Variants in DHX32 observed in about 807,000 individuals in gnomAD.
DHX32 encodes putative pre-mRNA-splicing factor ATP-dependent RNA helicase DHX32.
In DHX32, 51 loss-of-function variants were observed where a neutral mutation model predicts 70.0. That is an observed-to-expected ratio of 0.73 (90% CI 0.58 to 0.92). The LOEUF (loss-of-function observed/expected upper bound fraction) is 0.92, where lower values mean the gene tolerates loss of function less well. Among genes scored for constraint, DHX32 ranks in the 40% least tolerant of loss-of-function variants. DHX32 has a pLI of 0.00. For synonymous variants in DHX32, 310 were observed against 315.3 expected (o/e 0.98, Z 0.18); for missense variants, 762 against 891.8 (o/e 0.85, Z 1.85).
chr10:125,840,936 T>G lies in DHX32; in HGVS notation c.1604A>C (p.Lys535Thr). ...GAEEAALTCW[K>T]TFLHPEGDHF... ...ATCTCCTTCGGGATGTAAAAATGTC[T>G]TCCAACAAGTCAAGGCAGCCTCTTC... Residue 535 changes from lysine to threonine, a missense_variant, in exon 8 of 11, where the codon AAG becomes ACG. By Grantham distance (78) the Lys-to-Thr change is moderately conservative (BLOSUM62 -1). Coordinates refer to ENST00000284690, the MANE Select transcript of DHX32 (RefSeq NM_018180.3). 1 of 1,612,616 alleles carries G rather than the reference T, an allele frequency of 6.2e-7. No individual in the cohort carries two copies. The highest frequency in any genetic ancestry group is 8.5e-7 in the Non-Finnish European group (1 of 1,178,698).
At chr10:125,877,614 A>G (rs1387111629) in intron 1 of DHX32, among the ~76,000 whole-genome samples, 1 of 152,178 alleles carries the variant, frequency 6.6e-6, no homozygotes. Context: ...TTGAACCGGG[A>G]GACGGAGGTC....
In DHX32 at chr10:125,837,010, A is replaced by C. The variant is rs72830596; in HGVS notation, c.2064-155T>G. Among the ~76,000 whole-genome samples, 575 of 152,334 alleles carry C rather than the reference A, an allele frequency of 3.8e-3. 5 individuals carry two copies. Among genetic ancestry groups the C allele is most frequent in the Middle Eastern group, 0.017 (5 of 294 alleles). On this transcript the variant is annotated intron_variant, in intron 10 of 10. Transcript: ENST00000284690. ...TAGTATCTCAGTCCGACTTTGTAAA[A>C]TAAATACTTTCTGTTTTTTATGCAG...
chr10:125,864,742 A>G (rs1944208553), intron 2 of DHX32, among the ~76,000 whole-genome samples: 1 of 151,980 alleles, frequency 6.6e-6, no homozygotes, highest in South Asian at 2.1e-4. Context: ...CAGCCCAGGC[A>G]ACATGGCGAA....
intron 3 of DHX32, among the ~76,000 whole-genome samples, chr10:125,859,307 C>T (rs946288632): frequency 5.3e-5 from 8 of 152,252 alleles, no homozygotes; most frequent in African/African-American, 1.4e-4. Context: ...TCACAGCAAG[C>T]ATAAATAGAG....
intron 2 of DHX32, among the ~76,000 whole-genome samples, chr10:125,862,191 G>A (rs1052773979): frequency 3.3e-5 from 5 of 152,242 alleles, no homozygotes; most frequent in African/African-American, 9.6e-5. Context: ...AAATTATAAC[G>A]ATTGCTTCCT....
chr10:125,842,981 ATTAC>A (rs759285642), intron 6 of DHX32, among the ~76,000 whole-genome samples: 2 of 152,082 alleles, frequency 1.3e-5, no homozygotes, highest in African/African-American at 2.4e-5. Flanking sequence ...GGTTTTTGCC[ATTAC>A]TTTCAATGGC....
At chr10:125,861,726 C>T (rs1589713052) in intron 2 of DHX32, among the ~76,000 whole-genome samples, 1 of 152,286 alleles carries the variant, frequency 6.6e-6, no homozygotes, top group East Asian at 1.9e-4. Flanking sequence ...GGCGAGAGCT[C>T]GTGAGCTTGC....
At chr10:125,870,693 C>G (rs7081733) in intron 1 of DHX32, among the ~76,000 whole-genome samples, 45,110 of 151,750 alleles carry the variant, frequency 0.3, 7,019 homozygotes, top group East Asian at 0.41. Context: ...AAAAATTAGC[C>G]AGGCGTGGTG....
intron 9 of DHX32, 80 bp from the exon 10 acceptor site, chr10:125,838,467 A>G (rs1407428232): frequency 1.3e-5 from 17 of 1,311,172 alleles, no homozygotes; most frequent in Non-Finnish European, 1.6e-5. Context: ...TGAAAAAAAT[A>G]CCAAAGTATT....
intron 3 of DHX32, chr10:125,854,623 A>T (rs1300363414): frequency 6.4e-6 from 1 of 156,890 alleles, no homozygotes; most frequent in South Asian, 1.9e-4. Flanking sequence ...AAGGTATCAC[A>T]GGTCACTGAG....
At chr10:125,854,664 T>G (rs2134047883) in intron 3 of DHX32, 1 of 153,436 alleles carries the variant, frequency 6.5e-6, no homozygotes, top group Admixed American at 6.5e-5. Flanking sequence ...TTTCCTGGTC[T>G]GCTAAGTGGC....
rs758265066 is a variant in DHX32, at chr10:125,859,857, C to G, written c.595G>C (p.Gly199Arg). Residue 199 changes from glycine to arginine, a missense_variant, in exon 3 of 11, where the codon GGA becomes CGA. By Grantham distance (125) the Gly-to-Arg change is moderately radical. Transcript: ENST00000284690. ...ERSIATDVLL[G>R]LLKDVLLARP... is the part of the protein sequence containing the mutation. ...GCTAGTAAAACATCTTTAAGAAGTC[C>G]AAGTAACACATCAGTTGCAATGCTT... is the stretch of plus-strand genomic sequence containing the variant. 8.7e-6 allele frequency: 14 copies of G among 1,613,850 alleles called. No individual in the cohort carries two copies. In the East Asian group the frequency reaches 2.7e-4, roughly 31 times the overall value.
intron 2 of DHX32, among the ~76,000 whole-genome samples, chr10:125,860,847 C>A (rs1042057421): frequency 2.6e-5 from 3 of 113,820 alleles, no homozygotes; most frequent in African/African-American, 1.1e-4. Context: ...GCTCCGCCTC[C>A]CGGGTTCACG....
At chr10:125,863,517 G>T (rs528522270) in intron 2 of DHX32, among the ~76,000 whole-genome samples, 1 of 149,808 alleles carries the variant, frequency 6.7e-6, no homozygotes, top group Non-Finnish European at 1.5e-5. Context: ...GCATGATCTC[G>T]GCTCACTGCA....
At chr10:125,863,761 A>G (rs1041818213) in intron 2 of DHX32, among the ~76,000 whole-genome samples, 7 of 152,160 alleles carry the variant, frequency 4.6e-5, no homozygotes, top group African/African-American at 1.7e-4. Flanking sequence ...TCAATGATCA[A>G]TGTTAAATCC....
intron 1 of DHX32, among the ~76,000 whole-genome samples, chr10:125,895,517 C>G (rs1944460381): frequency 6.6e-6 from 1 of 152,204 alleles, no homozygotes; most frequent in Non-Finnish European, 1.5e-5. Flanking sequence ...TGATACTCTC[C>G]TGGTTGTTTG....
intron 1 of DHX32, among the ~76,000 whole-genome samples, chr10:125,876,876 C>T (rs1352543046): frequency 1.3e-5 from 2 of 152,120 alleles, no homozygotes; most frequent in African/African-American, 4.8e-5. Flanking sequence ...GTCTAGAAAT[C>T]AGATAATAAT....
intron 1 of DHX32, among the ~76,000 whole-genome samples, chr10:125,879,332 C>T (rs578013271): frequency 3.9e-5 from 6 of 152,054 alleles, no homozygotes; most frequent in African/African-American, 1.2e-4. Context: ...CCCACTATCC[C>T]GTTAAACAAA....
At chr10:125,855,220 CAAA>C (rs752413341) in intron 3 of DHX32, among the ~76,000 whole-genome samples, 8 of 73,632 alleles carry the variant, frequency 1.1e-4, no homozygotes, top group South Asian at 4.8e-4. Flanking sequence ...GACTCCGTCT[CAAA>C]AAAAAAAAAA....
Sources: allele counts gnomAD v4.1 joint callset (sites outside exome capture counted in the v4.1 genomes callset), GRCh38; gene constraint gnomAD v4.1.1; transcripts MANE v1.5; gene names NCBI Gene and HGNC (gene_info 2026-07-23, HGNC 2026-07-21).